Variants in ABI3BP observed in about 807,000 individuals in gnomAD.
The protein encoded by ABI3BP is ABI family member 3 binding protein, also known as target of Nesh-SH3.
A neutral mutation model predicts 268.6 loss-of-function variants in ABI3BP; 216 were observed. That is an observed-to-expected ratio of 0.80 (90% CI 0.72 to 0.90). ABI3BP has a LOEUF of 0.90. Among genes scored for constraint, ABI3BP ranks in the 40% least tolerant of loss-of-function variants. The probability of loss-of-function intolerance (pLI) is 0.00; values close to 1 mark genes in which losing one functional copy is unlikely to be tolerated. For missense variants in ABI3BP, 2,090 were observed against 2,182.4 expected, an observed-to-expected ratio of 0.96 and a Z score of 0.84; for synonymous variants, 730 against 730.0, an observed-to-expected ratio of 1.00 and a Z score of 0.00.
chr3:100,840,388 A>G (rs1355409536), intron 22 of ABI3BP, among the ~76,000 whole-genome samples: 1 of 152,152 alleles, frequency 6.6e-6, no homozygotes, highest in East Asian at 1.9e-4. Context: ...CTGTTCTTCC[A>G]TTTTGAGATG....
intron 49 of ABI3BP, among the ~76,000 whole-genome samples, chr3:100,809,201 A>T (rs1318758088): frequency 6.6e-6 from 1 of 152,006 alleles, no homozygotes; most frequent in African/African-American, 2.4e-5. Context: ...GGGGATTTAG[A>T]GCTCCCTTTG....
intron 49 of ABI3BP, among the ~76,000 whole-genome samples, chr3:100,808,736 G>A (rs1399363368): frequency 6.6e-6 from 1 of 152,020 alleles, no homozygotes; most frequent in Non-Finnish European, 1.5e-5. Flanking sequence ...GGGGAAGAGA[G>A]GGAAGAGAAA....
chr3:100,753,882 C>G, intron 64 of ABI3BP, 34 bp from the exon 65 acceptor site: 1 of 1,593,744 alleles, frequency 6.3e-7, no homozygotes, highest in Non-Finnish European at 8.6e-7. Context: ...TCAGACCTTA[C>G]TAGGTAAAAC....
chr3:100,780,504 G>A (rs1182019627), intron 57 of ABI3BP, among the ~76,000 whole-genome samples: 1 of 152,036 alleles, frequency 6.6e-6, no homozygotes, highest in Non-Finnish European at 1.5e-5. Context: ...GCCTCACCAG[G>A]TGGGATTTCA....
chr3:100,835,789 G>T (rs2098572581), intron 27 of ABI3BP, 129 bp from the exon 28 acceptor site: 1 of 773,114 alleles, frequency 1.3e-6, no homozygotes, highest in Non-Finnish European at 2.0e-6. Flanking sequence ...AATAGTATTT[G>T]TTTTCCCCTA....
intron 14 of ABI3BP, among the ~76,000 whole-genome samples, chr3:100,856,028 T>C (rs1185511907): frequency 6.6e-6 from 1 of 152,208 alleles, no homozygotes; most frequent in Non-Finnish European, 1.5e-5. Context: ...CTACAAAACA[T>C]CTGCTATACC....
At chr3:100,830,688 T>G in intron 31 of ABI3BP, 54 bp from the exon 32 acceptor site, 1 of 1,409,350 alleles carries the variant, frequency 7.1e-7, no homozygotes, top group Non-Finnish European at 9.6e-7. Flanking sequence ...CATGAAATGT[T>G]GGAACATTCA....
intron 14 of ABI3BP, among the ~76,000 whole-genome samples, chr3:100,855,965 A>T (rs547061669): frequency 6.6e-6 from 1 of 152,262 alleles, no homozygotes; most frequent in African/African-American, 2.4e-5. Context: ...TAAAATGTTC[A>T]TGAAATAAAA....
chr3:100,824,101 G>T (rs2098311630), intron 36 of ABI3BP, among the ~76,000 whole-genome samples: 1 of 152,128 alleles, frequency 6.6e-6, no homozygotes, highest in African/African-American at 2.4e-5. Flanking sequence ...CCTCAGCCCA[G>T]AATAAGTGGA....
chr3:100,883,872 A>G (rs528667559), intron 6 of ABI3BP, among the ~76,000 whole-genome samples: 48 of 152,204 alleles, frequency 3.2e-4, no homozygotes, highest in African/African-American at 1.1e-3. Context: ...AACATCACCC[A>G]CAATTTAAAA....
At chr3:100,813,612 G>A in intron 45 of ABI3BP, 49 bp downstream of exon 45, 2 of 1,343,770 alleles carry the variant, frequency 1.5e-6, no homozygotes, top group East Asian at 5.0e-5. Flanking sequence ...ATTACAGTAT[G>A]CCTCTTAAAG....
chr3:100,800,636 C>A (rs2152327437), intron 51 of ABI3BP, among the ~76,000 whole-genome samples: 1 of 152,254 alleles, frequency 6.6e-6, no homozygotes, highest in South Asian at 2.1e-4. Context: ...TGCCACCATG[C>A]CCGGCTAATT....
In ABI3BP at chr3:100,913,534, T is replaced by C. The variant is rs145816262; in HGVS notation, c.260-10848A>G. 5.3e-5 allele frequency among the ~76,000 whole-genome samples: 8 copies of C among 152,312 alleles called. No homozygotes were observed. In the East Asian group the frequency reaches 1.5e-3, roughly 29 times the overall value. On this transcript the variant is annotated intron_variant, in intron 2 of 67. Transcript: ENST00000471714. The stretch of plus-strand genomic sequence containing the variant: ...CTAGAAAATTGGGGAAATCCTGCTG[T>C]CTGCTTGGGCATGTGCTAAGTTGTA...
intron 47 of ABI3BP, 96 bp downstream of exon 47, chr3:100,811,632 A>G: frequency 8.0e-7 from 1 of 1,249,034 alleles, no homozygotes; most frequent in Non-Finnish European, 1.1e-6. Flanking sequence ...TTGTGAATCA[A>G]GTACCACAGC....
chr3:100,888,989 C>G (rs951626970), intron 4 of ABI3BP, among the ~76,000 whole-genome samples: 1 of 151,762 alleles, frequency 6.6e-6, no homozygotes, highest in Admixed American at 6.6e-5. Flanking sequence ...ATGTGGTGCT[C>G]TAAGGGTCAT....
intron 14 of ABI3BP, 40 bp downstream of exon 14, chr3:100,862,271 C>T (rs1167225174): frequency 7.4e-7 from 1 of 1,355,648 alleles, no homozygotes; most frequent in Non-Finnish European, 1.0e-6. Flanking sequence ...CTCAATATTC[C>T]TTGTTATAAT....
At chr3:100,824,528 G>A (rs191517627) in intron 36 of ABI3BP, among the ~76,000 whole-genome samples, 13 of 152,292 alleles carry the variant, frequency 8.5e-5, no homozygotes, top group African/African-American at 2.2e-4. Context: ...AGGCACTTAC[G>A]ATTATGTTTT....
Position 100,852,662 on chromosome 3 carries a change from C to T in ABI3BP, c.1286-722G>A, listed in dbSNP as rs145594516. ...GGCTAAAACCAGGATTCTCTTTTGG[C>T]ACCTTCCCCTCCTGACATGTTACCT... On this transcript the variant is annotated intron_variant, in intron 14 of 67. Transcript: ENST00000471714. 1.2e-4 allele frequency among the ~76,000 whole-genome samples: 18 copies of T among 152,304 alleles called. No homozygotes were observed. In the East Asian group the frequency reaches 3.3e-3, roughly 28 times the overall value.
intron 5 of ABI3BP, 148 bp from the exon 6 acceptor site, chr3:100,885,736 A>T (rs2041678866): frequency 1.9e-6 from 1 of 533,692 alleles, no homozygotes; most frequent in Admixed American, 3.7e-5. Flanking sequence ...GATGCCAATG[A>T]AGTTTTAATG....
Sources: allele counts gnomAD v4.1 joint callset (sites outside exome capture counted in the v4.1 genomes callset), GRCh38; gene constraint gnomAD v4.1.1; transcripts MANE v1.5; gene names NCBI Gene and HGNC (gene_info 2026-07-23, HGNC 2026-07-21).